The following CD55 variants were observed in gnomAD, a reference collection of about 807,000 sequenced individuals.
CD55 encodes the protein complement decay-accelerating factor.
In CD55, 41 loss-of-function variants were observed where a neutral mutation model predicts 45.8. That is an observed-to-expected ratio of 0.90 (90% CI 0.70 to 1.16). The LOEUF is 1.16. CD55 is among the 50% of genes most tolerant of loss of function. The pLI, the probability that CD55 is intolerant of heterozygous loss-of-function variation, is 0.00. For missense variants in CD55, 416 were observed against 469.8 expected (o/e 0.89, Z 1.06); for synonymous variants, 181 against 181.1 (o/e 1.00, Z 0.01).
At chr1:207,337,020 C>T (rs1332985999) in intron 7 of CD55, 1 of 648,110 alleles carries the variant, frequency 1.5e-6, no homozygotes, top group Non-Finnish European at 2.7e-6. Context: ...GTAAATGTTT[C>T]AGCTACAGGA....
chr1:207,352,653 A>G (rs1296093191), intron 9 of CD55, among the ~76,000 whole-genome samples: 1 of 152,282 alleles, frequency 6.6e-6, no homozygotes, highest in East Asian at 1.9e-4. Context: ...TATGTGAAGT[A>G]TTTGAAGCTT....
chr1:207,357,545 G>A (rs1015446150), intron 9 of CD55, among the ~76,000 whole-genome samples: 3 of 148,798 alleles, frequency 2.0e-5, no homozygotes, highest in South Asian at 2.2e-4. Flanking sequence ...TCCCTGGATC[G>A]GTGGGAATGG....
In CD55 at chr1:207,322,454, A is replaced by G. The variant is rs2102372879; in HGVS notation, c.173A>G (p.Asp58Gly). 2 of 1,614,234 alleles carry G rather than the reference A, an allele frequency of 1.2e-6. No individual in the cohort carries two copies. The highest frequency in any genetic ancestry group is 1.7e-6 in the Non-Finnish European group (2 of 1,180,024). The change falls in exon 2 of 10, where the codon GAT (aspartate) becomes GGT (glycine). Residue 58 changes from aspartate (D) to glycine (G), a missense_variant. Coordinates refer to ENST00000367064, the MANE Select transcript of CD55 (RefSeq NM_000574.5). ...ALEGRTSFPE[D>G]TVITYKCEES... ...GAAGGCCGTACAAGTTTTCCCGAGG[A>G]TACTGTAATAACGTACAAATGTGAA... is the stretch of plus-strand genomic sequence containing the variant.
chr1:207,346,655 T>C (rs1655652458), intron 9 of CD55, among the ~76,000 whole-genome samples: 1 of 152,206 alleles, frequency 6.6e-6, no homozygotes, highest in Non-Finnish European at 1.5e-5. Flanking sequence ...AATGCCTGGC[T>C]GCTCCTCTAT....
intron 9 of CD55, among the ~76,000 whole-genome samples, chr1:207,346,075 G>T (rs28739003): frequency 6.6e-6 from 1 of 152,220 alleles, no homozygotes; most frequent in Non-Finnish European, 1.5e-5. Context: ...CAGAAATGGC[G>T]GGTGACCTGG....
In CD55 at chr1:207,321,699, G is replaced by A. The variant is rs1654405052; in HGVS notation, c.-67G>A. On this transcript the variant is annotated 5_prime_UTR_variant, in exon 1 of 10. Transcript: ENST00000367064. ...GCTTCTGCTTACTGCAACTCGCTCC[G>A]GCCGCTGGGCGTAGCTGCGACTCGG... The A allele has an allele frequency of 4.9e-6, 6 of 1,224,192 alleles. No homozygotes were observed. In the Admixed American group the frequency reaches 1.1e-4, roughly 22 times the overall value. The allele number at this position is 1,224,192 out of a possible 1,614,324, so 75.8% of individuals were successfully genotyped here. A position where few individuals can be genotyped will look rare whatever the true frequency, so the allele number is the denominator to read the frequency against.
intron 6 of CD55, among the ~76,000 whole-genome samples, chr1:207,332,465 A>G (rs977543477): frequency 6.6e-6 from 1 of 152,228 alleles, no homozygotes; most frequent in African/African-American, 2.4e-5. Context: ...ACTGCTTTTT[A>G]AAAGACTGTA....
intron 9 of CD55, among the ~76,000 whole-genome samples, chr1:207,358,998 T>C (rs1656182269): frequency 6.6e-6 from 1 of 152,184 alleles, no homozygotes; most frequent in Non-Finnish European, 1.5e-5. Flanking sequence ...TTTCTCCTTT[T>C]GCTTGGTGGC....
At chr1:207,350,043 G>A (rs932497544) in intron 9 of CD55, 7 of 449,772 alleles carry the variant, frequency 1.6e-5, no homozygotes, top group Non-Finnish European at 3.1e-5. Flanking sequence ...TTGATGCCTA[G>A]TTTGTTGATG....
At position 207,337,388 on chromosome 1, in the gene CD55, A is replaced by G. The variant is rs142809668; in HGVS notation, c.1039A>G (p.Lys347Glu). Residue 347 changes from lysine to glutamate, a missense_variant, in exon 8 of 10, where the codon AAA (lysine) becomes GAA (glutamate). Physicochemically the swap from Lys to Glu is moderately conservative, Grantham distance 56 (BLOSUM62 1). Coordinates refer to ENST00000367064, the MANE Select transcript of CD55 (RefSeq NM_000574.5). Reference protein sequence around the residue: ...TKHFHETTPNKGSGTTSGTTR... With the variant: ...TKHFHETTPNEGSGTTSGTTR... ...GCATTTTCATGAAACAACCCCAAAT[A>G]AAGGAAGTGGAACCACTTCAGGTCA... is the stretch of plus-strand genomic sequence containing the variant. The G allele has an allele frequency of 2.6e-4, 419 of 1,605,430 alleles. 4 individuals are homozygous for G. The highest frequency in any genetic ancestry group is 5.1e-5 in the Non-Finnish European group (60 of 1,172,280).
chr1:207,352,390 G>A (rs997596522), intron 9 of CD55, among the ~76,000 whole-genome samples: 36 of 151,958 alleles, frequency 2.4e-4, no homozygotes, highest in African/African-American at 8.2e-4. Flanking sequence ...CTTAAAAAAG[G>A]AAAATTTTTT....
At chr1:207,350,098 TACA>T (rs762415167) in intron 9 of CD55, 79 of 454,908 alleles carry the variant, frequency 1.7e-4, no homozygotes, top group Middle Eastern at 3.3e-4. Flanking sequence ...AAGCCTTTTC[TACA>T]ACAATTGAGA....
chr1:207,325,374 A>G (rs776753876), intron 3 of CD55, among the ~76,000 whole-genome samples: 10 of 152,042 alleles, frequency 6.6e-5, no homozygotes, highest in Admixed American at 4.6e-4. Flanking sequence ...AGAAATATCA[A>G]TGGTTCAGAT....
chr1:207,339,374 CTT>C lies in CD55; in HGVS notation c.1061-17_1061-16del, dbSNP rs776934951. On this transcript the variant is annotated intron_variant, in intron 8 of 9. Coordinates refer to ENST00000367064, the MANE Select transcript of CD55 (RefSeq NM_000574.5). ...CTTTAACAAATTTTTGTTGTTAATC[CTT>C]TTTTTCCCCTTCGTCTGTAGGTACT... The C allele has an allele frequency of 3.1e-6, 5 of 1,595,528 alleles. No individual in the cohort carries two copies. The East Asian group carries it at 1.1e-4, about 36-fold the overall frequency.
chr1:207,358,133 C>T (rs889769817), intron 9 of CD55, among the ~76,000 whole-genome samples: 4 of 152,072 alleles, frequency 2.6e-5, no homozygotes, highest in African/African-American at 4.8e-5. Flanking sequence ...GAAAGTCATG[C>T]AAACTCCTAA....
intron 5 of CD55, among the ~76,000 whole-genome samples, chr1:207,328,128 C>G: frequency 6.6e-6 from 1 of 152,164 alleles, no homozygotes; most frequent in East Asian, 1.9e-4. Flanking sequence ...ACTTTATCTT[C>G]CTGCTTGCAC....
At chr1:207,356,583 A>G (rs755593334) in intron 9 of CD55, among the ~76,000 whole-genome samples, 4 of 152,150 alleles carry the variant, frequency 2.6e-5, no homozygotes, top group Non-Finnish European at 5.9e-5. Flanking sequence ...ACTTATATTA[A>G]TAGATGCCAG....
rs759426042 is a variant in CD55 at position 207,360,064 on chromosome 1, C to G, written c.*454C>G. On this transcript the variant is annotated 3_prime_UTR_variant, in exon 10 of 10. Coordinates refer to ENST00000367064, the MANE Select transcript of CD55 (RefSeq NM_000574.5). ...AGCAAAATTGCTAAAGAGAGATGAACCACATTATAAAGTAATCTTTGGCTG... is the reference window on the plus strand; with the variant it reads ...AGCAAAATTGCTAAAGAGAGATGAAGCACATTATAAAGTAATCTTTGGCTG... 6.6e-6 allele frequency: 1 copy of G among 152,520 alleles called. No individual in the cohort carries two copies. Among genetic ancestry groups the G allele is most frequent in the Non-Finnish European group, 1.5e-5 (1 of 68,286 alleles). The allele number at this position is 152,520 out of a possible 1,614,324, so 9.4% of individuals were successfully genotyped here.
intron 9 of CD55, among the ~76,000 whole-genome samples, chr1:207,345,512 G>A (rs1409077929): frequency 6.6e-6 from 1 of 151,602 alleles, no homozygotes; most frequent in African/African-American, 2.4e-5. Flanking sequence ...TTTAAAGTTT[G>A]TATCTCACCT....
Sources: allele counts gnomAD v4.1 joint callset (sites outside exome capture counted in the v4.1 genomes callset), GRCh38; gene constraint gnomAD v4.1.1; transcripts MANE v1.5; gene names NCBI Gene and HGNC (gene_info 2026-07-23, HGNC 2026-07-21).